Variants in CSMD1 observed in about 807,000 individuals in gnomAD.
CSMD1 encodes the protein CUB and Sushi multiple domains 1, also known as CUB and sushi domain-containing protein 1.
CSMD1 carries 213 observed loss-of-function variants against 417.5 expected under a neutral mutation model. That is an observed-to-expected ratio of 0.51 (90% CI 0.46 to 0.57). CSMD1 has a LOEUF of 0.57. Ranked by LOEUF, CSMD1 falls within the 20% of genes least tolerant of loss-of-function variation. The pLI, the probability that CSMD1 is intolerant of heterozygous loss-of-function variation, is 0.00. For synonymous variants in CSMD1, 2,862 were observed against 1,736.8 expected, an observed-to-expected ratio of 1.65 and a Z score of -16.11; for missense variants, 6,923 against 4,529.7, an observed-to-expected ratio of 1.53 and a Z score of -15.17.
chr8:3,473,792 C>A lies in CSMD1; in HGVS notation c.1449-4968G>T, dbSNP rs150519539. Among the ~76,000 whole-genome samples, 14 of 152,146 alleles carry A rather than the reference C, an allele frequency of 9.2e-5. No homozygotes were observed. In the East Asian group the frequency reaches 2.7e-3, roughly 29 times the overall value. On this transcript the variant is annotated intron_variant, in intron 11 of 69. Transcript: ENST00000635120. ...CTCACACTGCTATGAAGATATTATC[C>A]AAGACCTAGAGACTGGGTAATTTAT...
At chr8:4,089,285 T>G (rs1800591328) in intron 3 of CSMD1, among the ~76,000 whole-genome samples, 1 of 152,170 alleles carries the variant, frequency 6.6e-6, no homozygotes, top group African/African-American at 2.4e-5. Context: ...GTGGGGTGCC[T>G]GCCAACTTGT....
chr8:4,720,200 C>A (rs144614672), intron 1 of CSMD1, among the ~76,000 whole-genome samples: 60 of 150,668 alleles, frequency 4.0e-4, no homozygotes, highest in African/African-American at 1.4e-3. Context: ...ATTTCATATA[C>A]TTTTGTTCCT....
intron 1 of CSMD1, among the ~76,000 whole-genome samples, chr8:4,729,887 C>T (rs969590876): frequency 6.6e-6 from 1 of 152,148 alleles, no homozygotes; most frequent in Non-Finnish European, 1.5e-5. Flanking sequence ...TGATAGGAAC[C>T]TCATCTGAAA....
At chr8:4,013,005 T>A (rs370959140) in intron 4 of CSMD1, among the ~76,000 whole-genome samples, 4 of 152,114 alleles carry the variant, frequency 2.6e-5, no homozygotes, top group Admixed American at 1.3e-4. Context: ...TCATTTTCAT[T>A]TTGCAATGAT....
chr8:3,605,516 G>A (rs534460197), intron 8 of CSMD1, among the ~76,000 whole-genome samples: 1 of 152,170 alleles, frequency 6.6e-6, no homozygotes, highest in Admixed American at 6.5e-5. Context: ...GTGGAAACTA[G>A]AAATGAGCAG....
At chr8:4,057,822 T>A (rs1244786935) in intron 3 of CSMD1, among the ~76,000 whole-genome samples, 1 of 152,222 alleles carries the variant, frequency 6.6e-6, no homozygotes, top group Non-Finnish European at 1.5e-5. Flanking sequence ...TTTGTCAGGT[T>A]TGTCAAAGAT....
chr8:4,853,137 T>C (rs1054448645), intron 1 of CSMD1, among the ~76,000 whole-genome samples: 1 of 152,200 alleles, frequency 6.6e-6, no homozygotes, highest in Non-Finnish European at 1.5e-5. Context: ...CCAAGTGGGC[T>C]ATGGAGCAAA....
At chr8:4,716,194 C>A (rs1584988108) in intron 1 of CSMD1, among the ~76,000 whole-genome samples, 1 of 152,158 alleles carries the variant, frequency 6.6e-6, no homozygotes, top group Non-Finnish European at 1.5e-5. Flanking sequence ...AGGCGCCACC[C>A]AATGGGGACT....
At chr8:4,945,817 G>T (rs780636151) in intron 1 of CSMD1, among the ~76,000 whole-genome samples, 1 of 152,172 alleles carries the variant, frequency 6.6e-6, no homozygotes, top group Non-Finnish European at 1.5e-5. Context: ...GCAGAACCCA[G>T]TTTTGGAGAG....
At chr8:3,790,043 T>C (rs755372267) in intron 5 of CSMD1, among the ~76,000 whole-genome samples, 1 of 152,222 alleles carries the variant, frequency 6.6e-6, no homozygotes, top group Non-Finnish European at 1.5e-5. Context: ...TCATGGTTAA[T>C]ATTAATGTAA....
At chr8:4,180,631 C>G (rs960555350) in intron 3 of CSMD1, among the ~76,000 whole-genome samples, 1 of 151,410 alleles carries the variant, frequency 6.6e-6, no homozygotes, top group Non-Finnish European at 1.5e-5. Flanking sequence ...CAGAACAAAA[C>G]AAAACAAAAG....
At chr8:4,066,554 A>C (rs907255482) in intron 3 of CSMD1, among the ~76,000 whole-genome samples, 1 of 152,190 alleles carries the variant, frequency 6.6e-6, no homozygotes, top group Non-Finnish European at 1.5e-5. Flanking sequence ...TTACCATTAA[A>C]GACTTGTTAC....
intron 23 of CSMD1, among the ~76,000 whole-genome samples, chr8:3,317,306 C>T (rs1805839274): frequency 6.6e-6 from 1 of 152,176 alleles, no homozygotes; most frequent in Admixed American, 6.5e-5. Context: ...ATGAGGAGCA[C>T]AGAGCGAGAC....
At chr8:4,072,786 G>T (rs1799626713) in intron 3 of CSMD1, among the ~76,000 whole-genome samples, 1 of 152,146 alleles carries the variant, frequency 6.6e-6, no homozygotes, top group African/African-American at 2.4e-5. Flanking sequence ...CACAGTCATG[G>T]AAATTGAGTA....
At chr8:3,222,431 T>G (rs1407269247) in intron 28 of CSMD1, among the ~76,000 whole-genome samples, 1 of 152,058 alleles carries the variant, frequency 6.6e-6, no homozygotes, top group Admixed American at 6.6e-5. Context: ...TGCCTCAGCC[T>G]CTCGAGTAGC....
chr8:3,861,370 T>G (rs2975368), intron 5 of CSMD1, among the ~76,000 whole-genome samples: 6 of 152,068 alleles, frequency 3.9e-5, no homozygotes, highest in African/African-American at 1.2e-4. Flanking sequence ...AAATATGAGC[T>G]GTCTTAGCAG....
intron 3 of CSMD1, among the ~76,000 whole-genome samples, chr8:4,280,503 T>A (rs1443863862): frequency 6.6e-6 from 1 of 152,152 alleles, no homozygotes; most frequent in Non-Finnish European, 1.5e-5. Context: ...CACAGAAAAA[T>A]TAAAATATAC....
chr8:3,523,886 C>T (rs1453412044), intron 10 of CSMD1, among the ~76,000 whole-genome samples: 1 of 149,522 alleles, frequency 6.7e-6, no homozygotes, highest in African/African-American at 2.5e-5. Flanking sequence ...CACACACATG[C>T]ACAGAGACAT....
chr8:4,403,739 C>T lies in CSMD1; in HGVS notation c.415+16214G>A, dbSNP rs572939727. Among the ~76,000 whole-genome samples, 4 of 152,280 alleles carry T rather than the reference C, an allele frequency of 2.6e-5. No homozygotes were observed. In the South Asian group the frequency reaches 8.3e-4, roughly 32 times the overall value. ...CTCTCTTCTTGCCTGCTGATGACCT[C>T]ATCTTACTGCTAGCAACTCCACTTA... is the stretch of plus-strand genomic sequence containing the variant. On this transcript the variant is annotated intron_variant, in intron 3 of 69. Coordinates refer to ENST00000635120, the MANE Select transcript of CSMD1 (RefSeq NM_033225.6).
Sources: allele counts gnomAD v4.1 joint callset (sites outside exome capture counted in the v4.1 genomes callset), GRCh38; gene constraint gnomAD v4.1.1; transcripts MANE v1.5; gene names NCBI Gene and HGNC (gene_info 2026-07-23, HGNC 2026-07-21).